KCNH5: variants seen among roughly 807,000 people sequenced by gnomAD.
KCNH5 encodes potassium voltage-gated channel subfamily H member 5.
A neutral mutation model predicts 96.1 loss-of-function variants in KCNH5; 46 were observed. The observed-to-expected ratio is 0.48, with a 90% CI of 0.38 to 0.61. The LOEUF is 0.61. Among genes scored for constraint, KCNH5 ranks in the 20% least tolerant of loss-of-function variants. KCNH5 has a pLI of 0.00. For synonymous variants in KCNH5, 439 were observed against 449.8 expected (o/e 0.98, Z 0.30); for missense variants, 907 against 1,225.8 (o/e 0.74, Z 3.88).
chr14:62,892,836 T>C (rs942471854), intron 7 of KCNH5, among the ~76,000 whole-genome samples: 7 of 152,206 alleles, frequency 4.6e-5, no homozygotes, highest in Admixed American at 4.6e-4. Flanking sequence ...ATTTTAAGCC[T>C]ATTGTTGAGA....
At chr14:63,002,856 A>G (rs1366496362) in intron 3 of KCNH5, among the ~76,000 whole-genome samples, 5 of 152,194 alleles carry the variant, frequency 3.3e-5, no homozygotes, top group Non-Finnish European at 1.5e-5. Flanking sequence ...AGGGACCTCA[A>G]AAATAATCAC....
chr14:62,723,275 A>T (rs1230900741), intron 10 of KCNH5, among the ~76,000 whole-genome samples: 1 of 152,234 alleles, frequency 6.6e-6, no homozygotes, highest in African/African-American at 2.4e-5. Flanking sequence ...TATCACACAC[A>T]TGCATAAATT....
At chr14:62,807,019 A>G (rs1193022694) in intron 8 of KCNH5, among the ~76,000 whole-genome samples, 2 of 152,086 alleles carry the variant, frequency 1.3e-5, no homozygotes, top group Non-Finnish European at 2.9e-5. Context: ...CAGCTGCCTG[A>G]ACTTTTCAGT....
Position 62,834,276 on chromosome 14 carries a change from C to T in KCNH5, c.1569+15377G>A, listed in dbSNP as rs139563318. On this transcript the variant is annotated intron_variant, in intron 8 of 10. Transcript: ENST00000322893. ...AGAATGTCATTTTGAGTGATCATAA[C>T]TACCTATTCATGGCCTTATTAATGG... is the stretch of plus-strand genomic sequence containing the variant. Among the ~76,000 whole-genome samples the T allele has an allele frequency of 3.0e-3, 454 of 152,070 alleles. 2 individuals carry two copies. The highest frequency in any genetic ancestry group is 0.011 in the African/African-American group (437 of 41,524).
intron 8 of KCNH5, among the ~76,000 whole-genome samples, chr14:62,845,356 A>G (rs1385035316): frequency 2.6e-5 from 4 of 152,216 alleles, no homozygotes; most frequent in East Asian, 1.9e-4. Context: ...TATTTTTCCT[A>G]CACTTGTATT....
chr14:62,709,321 C>G (rs933669989), intron 10 of KCNH5, among the ~76,000 whole-genome samples: 3 of 146,698 alleles, frequency 2.0e-5, no homozygotes, highest in African/African-American at 7.5e-5. Context: ...TGAAAACTTA[C>G]ACAGTTTAGC....
chr14:62,964,253 G>A (rs756123754), intron 6 of KCNH5, among the ~76,000 whole-genome samples: 2 of 152,026 alleles, frequency 1.3e-5, no homozygotes, highest in Non-Finnish European at 2.9e-5. Context: ...TGTGCTATGT[G>A]CTGAAAAATA....
intron 3 of KCNH5, among the ~76,000 whole-genome samples, chr14:63,003,503 T>TA (rs1491406200): frequency 3.6e-4 from 45 of 124,556 alleles, no homozygotes; most frequent in African/African-American, 1.4e-3. Flanking sequence ...TATATATATA[T>TA]TTTATATATA....
At chr14:62,824,056 A>C (rs1887168566) in intron 8 of KCNH5, among the ~76,000 whole-genome samples, 1 of 152,094 alleles carries the variant, frequency 6.6e-6, no homozygotes, top group African/African-American at 2.4e-5. Flanking sequence ...ACAGAAAAAC[A>C]TCCAGGATTT....
At chr14:62,992,754 C>A (rs1278276362) in intron 4 of KCNH5, among the ~76,000 whole-genome samples, 1 of 151,768 alleles carries the variant, frequency 6.6e-6, no homozygotes, top group Admixed American at 6.6e-5. Flanking sequence ...ACTTTCTTCC[C>A]TTCTTCAGGT....
chr14:62,992,355 C>T (rs1190536977), intron 4 of KCNH5, among the ~76,000 whole-genome samples: 1 of 152,010 alleles, frequency 6.6e-6, no homozygotes, highest in African/African-American at 2.4e-5. Flanking sequence ...AGCAGGACTG[C>T]CAGATCAAAT....
chr14:62,896,216 G>C (rs1286160176), intron 7 of KCNH5, among the ~76,000 whole-genome samples: 2 of 152,136 alleles, frequency 1.3e-5, no homozygotes, highest in African/African-American at 4.8e-5. Context: ...CTTTCTATTT[G>C]AAATGTCAAT....
At chr14:62,889,124 C>A (rs1233453928) in intron 7 of KCNH5, among the ~76,000 whole-genome samples, 1 of 152,124 alleles carries the variant, frequency 6.6e-6, no homozygotes, top group African/African-American at 2.4e-5. Context: ...TCTAAAGTTC[C>A]TATACCACAC....
At position 62,838,839 on chromosome 14, in the gene KCNH5, A is replaced by G. The variant is rs570973590; in HGVS notation, c.1569+10814T>C. On this transcript the variant is annotated intron_variant, in intron 8 of 10. Coordinates refer to ENST00000322893, the MANE Select transcript of KCNH5 (RefSeq NM_139318.5). ...CATGTGTTGGAAAGAGTAAACATTA[A>G]ACATGCTAAGATTATTGGCCTTCTG... is the stretch of plus-strand genomic sequence containing the variant. Among the ~76,000 whole-genome samples, 7 of 152,314 alleles carry G rather than the reference A, an allele frequency of 4.6e-5. No homozygotes were observed. The East Asian group carries it at 1.2e-3, about 25-fold the overall frequency.
chr14:62,827,963 T>C (rs1406501763), intron 8 of KCNH5, among the ~76,000 whole-genome samples: 1 of 152,178 alleles, frequency 6.6e-6, no homozygotes, highest in African/African-American at 2.4e-5. Context: ...TTAGTTCCAT[T>C]AATTTTTTTG....
chr14:62,957,684 T>A (rs1890130598), intron 6 of KCNH5, among the ~76,000 whole-genome samples: 1 of 152,128 alleles, frequency 6.6e-6, no homozygotes, highest in Admixed American at 6.5e-5. Flanking sequence ...GCACACCACC[T>A]CCACCTGTGG....
intron 3 of KCNH5, among the ~76,000 whole-genome samples, chr14:63,003,624 A>ATATTT (rs1491457497): frequency 6.5e-5 from 6 of 92,822 alleles, no homozygotes; most frequent in African/African-American, 9.4e-5. Context: ...ATATATATAT[A>ATATTT]TTTTTTTTTT....
intron 7 of KCNH5, among the ~76,000 whole-genome samples, chr14:62,867,031 C>T (rs1888147770): frequency 6.6e-6 from 1 of 152,044 alleles, no homozygotes; most frequent in Non-Finnish European, 1.5e-5. Context: ...TACCATTTAC[C>T]CAGGAGTGAT....
Position 62,706,315 on chromosome 14 carries a change from A to G in KCNH5, c.*1193T>C, listed in dbSNP as rs1884430464. On this transcript the variant is annotated 3_prime_UTR_variant, in exon 11 of 11. Transcript: ENST00000322893. ...GTGCAAAAAGCTTTAAAAAACTATAACCACAATAAAATGATAGAAAAGCAG... is the reference window on the plus strand; with the variant it reads ...GTGCAAAAAGCTTTAAAAAACTATAGCCACAATAAAATGATAGAAAAGCAG... 1 of 152,156 alleles carries G rather than the reference A, an allele frequency of 6.6e-6. No homozygotes were observed. Among genetic ancestry groups the G allele is most frequent in the Non-Finnish European group, 1.5e-5 (1 of 67,980 alleles). The allele number at this position is 152,156 out of a possible 1,614,324, so 9.4% of individuals were successfully genotyped here. A position where few individuals can be genotyped will look rare whatever the true frequency, so the allele number is the denominator to read the frequency against.
Sources: gnomAD v4.1 joint callset for allele counts (sites outside exome capture counted in the v4.1 genomes callset) on GRCh38, gnomAD v4.1.1 for gene constraint, MANE v1.5 for transcripts, NCBI Gene and HGNC (gene_info 2026-07-23, HGNC 2026-07-21) for gene names.